Variants in PRTG observed in about 807,000 individuals in gnomAD.
PRTG encodes immunoglobulin superfamily, DCC subclass, member 5.
A neutral mutation model predicts 122.5 loss-of-function variants in PRTG; 67 were observed. That is an observed-to-expected ratio of 0.55 (90% CI 0.45 to 0.67). The LOEUF (loss-of-function observed/expected upper bound fraction) is 0.67, where lower values mean the gene tolerates loss of function less well. Ranked by LOEUF, PRTG falls within the 30% of genes least tolerant of loss-of-function variation. The probability of loss-of-function intolerance (pLI) is 0.00; values close to 1 mark genes in which losing one functional copy is unlikely to be tolerated. For missense variants in PRTG, 1,435 were observed against 1,415.4 expected, an observed-to-expected ratio of 1.01 and a Z score of -0.22; for synonymous variants, 554 against 501.1, an observed-to-expected ratio of 1.11 and a Z score of -1.41.
intron 15 of PRTG, 136 bp downstream of exon 15, chr15:55,637,034 G>A: frequency 1.4e-6 from 1 of 735,644 alleles, no homozygotes; most frequent in Non-Finnish European, 2.0e-6. Context: ...GATGCCCTTT[G>A]AACAAAGCCA....
intron 13 of PRTG, among the ~76,000 whole-genome samples, chr15:55,639,388 A>T (rs528121651): frequency 6.6e-6 from 1 of 152,340 alleles, no homozygotes; most frequent in South Asian, 2.1e-4. Flanking sequence ...GAGTAATAAT[A>T]GCTTCTTGCC....
At chr15:55,678,768 C>T (rs1275527547) in intron 7 of PRTG, among the ~76,000 whole-genome samples, 1 of 152,018 alleles carries the variant, frequency 6.6e-6, no homozygotes, top group African/African-American at 2.4e-5. Context: ...ATCTAATTTA[C>T]AGAATATTAT....
intron 9 of PRTG, among the ~76,000 whole-genome samples, chr15:55,674,787 C>G (rs1181582928): frequency 6.6e-6 from 1 of 152,060 alleles, no homozygotes; most frequent in Non-Finnish European, 1.5e-5. Context: ...TAAGTGAGAA[C>G]AGTATTGATT....
chr15:55,735,904 G>A (rs901684394), intron 2 of PRTG, among the ~76,000 whole-genome samples: 9 of 152,136 alleles, frequency 5.9e-5, no homozygotes, highest in African/African-American at 1.9e-4. Flanking sequence ...AGAACCAAAT[G>A]TCATTCTAAA....
rs1440218635 is a variant in PRTG at position 55,613,180 on chromosome 15, G to A, written c.*6832C>T. On this transcript the variant is annotated 3_prime_UTR_variant, in exon 20 of 20. Coordinates refer to ENST00000389286, the MANE Select transcript of PRTG (RefSeq NM_173814.6). ...TCAAAATTGTCAAGATTAGAACTTA[G>A]GTGCTCCAAAGCCTAACTTATACTT... 6.6e-6 allele frequency: 1 copy of A among 151,982 alleles called. No individual in the cohort carries two copies. The highest frequency in any genetic ancestry group is 1.5e-5 in the Non-Finnish European group (1 of 67,934). The allele number at this position is 151,982 out of a possible 1,614,324, so 9.4% of individuals were successfully genotyped here.
At chr15:55,631,218 T>C (rs1432156549) in intron 15 of PRTG, among the ~76,000 whole-genome samples, 3 of 152,120 alleles carry the variant, frequency 2.0e-5, no homozygotes, top group Non-Finnish European at 4.4e-5. Context: ...TGTTGCTATG[T>C]TTTTAGGCAG....
chr15:55,709,056 G>C (rs1438892901), intron 2 of PRTG, among the ~76,000 whole-genome samples: 1 of 142,148 alleles, frequency 7.0e-6, no homozygotes, highest in Non-Finnish European at 1.5e-5. Context: ...TGAGGCAGGA[G>C]AATCACTTGA....
At chr15:55,650,315 G>A (rs1317910170) in intron 11 of PRTG, among the ~76,000 whole-genome samples, 1 of 152,184 alleles carries the variant, frequency 6.6e-6, no homozygotes, top group Admixed American at 6.5e-5. Flanking sequence ...TAAACTCTAA[G>A]GGCATTCACA....
At chr15:55,739,251 T>C (rs902942833) in intron 2 of PRTG, among the ~76,000 whole-genome samples, 7 of 143,984 alleles carry the variant, frequency 4.9e-5, no homozygotes, top group South Asian at 2.2e-4. Context: ...CTAAATATTA[T>C]GGTGGTTTTG....
At chr15:55,709,558 T>C (rs1232959327) in intron 2 of PRTG, among the ~76,000 whole-genome samples, 1 of 151,914 alleles carries the variant, frequency 6.6e-6, no homozygotes, top group East Asian at 1.9e-4. Flanking sequence ...TAGTTCATAG[T>C]TTACACAATG....
rs117522664 is a variant in PRTG at position 55,625,948 on chromosome 15, T to G, written c.2927+1060A>C. Among the ~76,000 whole-genome samples, 338 of 152,152 alleles carry G rather than the reference T, an allele frequency of 2.2e-3. 4 individuals are homozygous for G. The East Asian group carries it at 0.057, about 25-fold the overall frequency. On this transcript the variant is annotated intron_variant, in intron 17 of 19. Transcript: ENST00000389286. The stretch of plus-strand genomic sequence containing the variant: ...TAACATTTTTTGTAGAGATAAGATC[T>G]CACTATGTTGCTTAGGCTGGTCTGA...
At chr15:55,623,732 A>C (rs2141711478) in intron 18 of PRTG, among the ~76,000 whole-genome samples, 1 of 152,346 alleles carries the variant, frequency 6.6e-6, no homozygotes, top group African/African-American at 2.4e-5. Flanking sequence ...ACTAAAAATA[A>C]TTTTAAAAGT....
chr15:55,650,596 T>C (rs746368465), intron 11 of PRTG, among the ~76,000 whole-genome samples: 7 of 152,026 alleles, frequency 4.6e-5, no homozygotes, highest in South Asian at 2.1e-4. Flanking sequence ...TTGAGAGCCA[T>C]TGTGGATTTT....
intron 11 of PRTG, chr15:55,655,676 GC>G (rs1267907772): frequency 6.6e-6 from 1 of 151,844 alleles, no homozygotes; most frequent in Non-Finnish European, 1.5e-5. Context: ...GAACAGGCGG[GC>G]TCTGGACAGT....
rs569177611 is a variant in PRTG, at chr15:55,717,979, T to G, written c.397+22403A>C. 2.0e-5 allele frequency among the ~76,000 whole-genome samples: 3 copies of G among 152,352 alleles called. No homozygotes were observed. In the East Asian group the frequency reaches 5.8e-4, roughly 29 times the overall value. On this transcript the variant is annotated intron_variant, in intron 2 of 19. Transcript: ENST00000389286. ...TTTGGAGATCAATCCCCTGTCCTCC[T>G]GCTCTTTGCTCCGTGAGAAAGATCC...
intron 2 of PRTG, among the ~76,000 whole-genome samples, chr15:55,695,533 C>G (rs2059627181): frequency 1.3e-5 from 2 of 152,236 alleles, no homozygotes; most frequent in Admixed American, 1.3e-4. Flanking sequence ...GCCTCATCGA[C>G]TGCACCAGTC....
At chr15:55,742,688 C>A in intron 1 of PRTG, 150 bp downstream of exon 1, 1 of 941,400 alleles carries the variant, frequency 1.1e-6, no homozygotes, top group Non-Finnish European at 1.6e-6. Context: ...CCGGACAGGC[C>A]GCAGGGCGAG....
intron 11 of PRTG, among the ~76,000 whole-genome samples, chr15:55,652,563 G>T (rs1380477589): frequency 1.3e-5 from 2 of 152,076 alleles, no homozygotes; most frequent in Non-Finnish European, 2.9e-5. Flanking sequence ...ATTCAGAGAA[G>T]AGGCCAGCGG....
At chr15:55,673,226 T>C (rs1477183393) in intron 10 of PRTG, 145 bp downstream of exon 10, 1 of 674,754 alleles carries the variant, frequency 1.5e-6, no homozygotes, top group Non-Finnish European at 2.4e-6. Context: ...TAATAAAAAG[T>C]TTAATTTTTT....
Sources: allele counts gnomAD v4.1 joint callset (sites outside exome capture counted in the v4.1 genomes callset), GRCh38; gene constraint gnomAD v4.1.1; transcripts MANE v1.5; gene names NCBI Gene and HGNC (gene_info 2026-07-23, HGNC 2026-07-21).